Variants in HGD observed in about 807,000 individuals in gnomAD.
HGD encodes the protein homogentisate 1,2-dioxygenase, also known as homogentisate oxidase.
Under a neutral mutation model 60.8 loss-of-function variants are expected in HGD, and 61 were observed. The ratio of observed to expected loss-of-function variants is 1.00; its 90% confidence interval spans 0.82 to 1.24. The LOEUF (loss-of-function observed/expected upper bound fraction) is 1.24, where lower values mean the gene tolerates loss of function less well. Among genes scored for constraint, HGD ranks in the 50% most tolerant of loss-of-function variants. HGD has a pLI of 0.00. For missense variants in HGD, 542 were observed against 547.1 expected, an observed-to-expected ratio of 0.99 and a Z score of 0.09; for synonymous variants, 212 against 187.7, an observed-to-expected ratio of 1.13 and a Z score of -1.06.
chr3:120,668,231 AT>A (rs1386161720), intron 4 of HGD, among the ~76,000 whole-genome samples: 1 of 152,204 alleles, frequency 6.6e-6, no homozygotes, highest in African/African-American at 2.4e-5. Context: ...GGTAGATAGT[AT>A]TTTAAATACC....
Position 120,644,460 on chromosome 3 carries a change from C to T in HGD, c.650-17G>A, listed in dbSNP as rs1309894047. 2 of 1,613,770 alleles carry T rather than the reference C, an allele frequency of 1.2e-6. No homozygotes were observed. The highest frequency in any genetic ancestry group is 1.7e-6 in the Non-Finnish European group (2 of 1,179,954). On this transcript the variant is annotated splice_polypyrimidine_tract_variant and intron_variant, in intron 9 of 13. Transcript: ENST00000283871. ...CATTGGCCCCTAGAAAACAGTAACC[C>T]AAAAGTCTTTTAGAAACTTCCAAAA...
At chr3:120,648,714 C>T (rs1327372212) in intron 6 of HGD, among the ~76,000 whole-genome samples, 3 of 152,204 alleles carry the variant, frequency 2.0e-5, no homozygotes, top group Non-Finnish European at 4.4e-5. Context: ...GACTCAAGAA[C>T]AGCCCTGGGG....
chr3:120,680,020 C>T (rs1708204510), intron 1 of HGD, among the ~76,000 whole-genome samples: 1 of 152,234 alleles, frequency 6.6e-6, no homozygotes, highest in Non-Finnish European at 1.5e-5. Flanking sequence ...AAGCTTGTTA[C>T]ATACAGACCC....
intron 4 of HGD, among the ~76,000 whole-genome samples, chr3:120,656,887 C>T (rs981039773): frequency 2.0e-5 from 3 of 152,110 alleles, no homozygotes; most frequent in African/African-American, 7.2e-5. Flanking sequence ...AACATTCAGG[C>T]GATGTCTAGA....
intron 5 of HGD, 31 bp downstream of exon 5, chr3:120,652,561 A>G (rs370808217): frequency 6.6e-7 from 1 of 1,512,624 alleles, no homozygotes; most frequent in Non-Finnish European, 9.2e-7. Context: ...AGAGGAGAGC[A>G]GTAGGGAGGG....
At chr3:120,660,680 C>T (rs1941634609) in intron 4 of HGD, among the ~76,000 whole-genome samples, 2 of 152,128 alleles carry the variant, frequency 1.3e-5, no homozygotes, top group African/African-American at 2.4e-5. Flanking sequence ...CAAAAATTAG[C>T]CGGGCATGGT....
chr3:120,659,568 C>T (rs1941597345), intron 4 of HGD, among the ~76,000 whole-genome samples: 1 of 152,180 alleles, frequency 6.6e-6, no homozygotes, highest in African/African-American at 2.4e-5. Context: ...ATTTTTGTCA[C>T]AACAATTTAA....
At chr3:120,671,379 A>G (rs1191430949) in intron 3 of HGD, among the ~76,000 whole-genome samples, 1 of 152,158 alleles carries the variant, frequency 6.6e-6, no homozygotes, top group Non-Finnish European at 1.5e-5. Flanking sequence ...TTTCCAAAAA[A>G]CAAGTCTATT....
chr3:120,656,251 T>C (rs536169426), intron 4 of HGD, among the ~76,000 whole-genome samples: 5 of 152,356 alleles, frequency 3.3e-5, no homozygotes, highest in African/African-American at 1.2e-4. Context: ...TGTAAGAAGA[T>C]ACATTTCTGT....
intron 1 of HGD, among the ~76,000 whole-genome samples, chr3:120,677,373 G>A (rs1576320882): frequency 1.3e-5 from 2 of 152,124 alleles, no homozygotes; most frequent in African/African-American, 4.8e-5. Flanking sequence ...CTGAGAAAGA[G>A]AATACGAGCC....
In HGD at chr3:120,675,069, G is replaced by A. The variant is rs552204368; in HGVS notation, c.88-80C>T. ...TTCCCACCAACCAACTCAGTAGGGG[G>A]ATGGGGATGCTCTGGGCGACTGCAC... On this transcript the variant is annotated intron_variant, in intron 2 of 13. Transcript: ENST00000283871. 565 of 933,622 alleles carry A rather than the reference G, an allele frequency of 6.1e-4. 1 individual carries two copies. Among genetic ancestry groups the A allele is most frequent in the Non-Finnish European group, 9.3e-4 (524 of 565,808 alleles). 57.8% of individuals were successfully genotyped at this position (933,622 alleles called of 1,614,324 possible).
At chr3:120,629,841 T>C (rs1462054927) in intron 13 of HGD, among the ~76,000 whole-genome samples, 2 of 152,164 alleles carry the variant, frequency 1.3e-5, no homozygotes, top group South Asian at 2.1e-4. Flanking sequence ...CCTATCCCTG[T>C]TTGCAGATGA....
chr3:120,630,855 C>T (rs1463015015), intron 13 of HGD, among the ~76,000 whole-genome samples: 5 of 142,388 alleles, frequency 3.5e-5, no homozygotes, highest in Admixed American at 7.1e-5. Flanking sequence ...CACACACACA[C>T]ACACACACAC....
intron 12 of HGD, 58 bp from the exon 13 acceptor site, chr3:120,633,386 A>T (rs1940654109): frequency 6.2e-7 from 1 of 1,613,256 alleles, no homozygotes; most frequent in African/African-American, 1.3e-5. Context: ...GTAAAACACA[A>T]AGCCCCTTAA....
chr3:120,675,079 C>T (rs1215514415), intron 2 of HGD, 90 bp from the exon 3 acceptor site: 5 of 835,374 alleles, frequency 6.0e-6, no homozygotes, highest in Non-Finnish European at 8.3e-6. Flanking sequence ...GATGGGGATG[C>T]TCTGGGCGAC....
chr3:120,655,864 A>G (rs1862938), intron 4 of HGD, among the ~76,000 whole-genome samples: 126,526 of 152,236 alleles, frequency 0.83, 53,795 homozygotes, highest in East Asian at 0.98. Context: ...ATATAACAAC[A>G]GGTGCTGGTG....
chr3:120,632,568 C>G (rs1412156010), intron 13 of HGD, among the ~76,000 whole-genome samples: 1 of 152,126 alleles, frequency 6.6e-6, no homozygotes, highest in East Asian at 1.9e-4. Flanking sequence ...CTCACAAGCC[C>G]TGACTATAGT....
chr3:120,649,315 T>G (rs1941262659), intron 6 of HGD, among the ~76,000 whole-genome samples: 1 of 151,840 alleles, frequency 6.6e-6, no homozygotes, highest in African/African-American at 2.4e-5. Context: ...GCTAATTTTT[T>G]GTATTTTTTA....
intron 6 of HGD, among the ~76,000 whole-genome samples, chr3:120,648,740 G>A (rs1465717206): frequency 6.6e-6 from 1 of 152,216 alleles, no homozygotes; most frequent in African/African-American, 2.4e-5. Context: ...TAGAAATTAA[G>A]GATATTCAAA....
Sources: allele counts gnomAD v4.1 joint callset (sites outside exome capture counted in the v4.1 genomes callset), GRCh38; gene constraint gnomAD v4.1.1; transcripts MANE v1.5; gene names NCBI Gene and HGNC (gene_info 2026-07-23, HGNC 2026-07-21).